The following RGS5 variants were observed in gnomAD, a reference collection of about 807,000 sequenced individuals.
RGS5 encodes the protein regulator of G protein signaling 5, also known as regulator of G-protein signalling 5.
Under a neutral mutation model 18.9 loss-of-function variants are expected in RGS5, and 20 were observed. The ratio of observed to expected loss-of-function variants is 1.06; its 90% confidence interval spans 0.74 to 1.54. The LOEUF (loss-of-function observed/expected upper bound fraction) is 1.54, where lower values mean the gene tolerates loss of function less well. Among genes scored for constraint, RGS5 ranks in the 40% most tolerant of loss-of-function variants. The pLI is 0.00. For synonymous variants in RGS5, 57 were observed against 76.2 expected (o/e 0.75, Z 1.31); for missense variants, 201 against 211.8 (o/e 0.95, Z 0.32).
chr1:163,269,820 T>A (rs1467374097), intron 2 of RGS5, among the ~76,000 whole-genome samples: 1 of 152,152 alleles, frequency 6.6e-6, no homozygotes, highest in Non-Finnish European at 1.5e-5. Flanking sequence ...CATATAAAAT[T>A]GAATTGACTG....
chr1:163,154,590 A>C (rs531827202), intron 3 of RGS5, among the ~76,000 whole-genome samples: 18 of 152,076 alleles, frequency 1.2e-4, no homozygotes, highest in Middle Eastern at 3.4e-3. Context: ...GGAAAAAAAA[A>C]CCAATTTTTT....
rs140832606 is a variant in RGS5 at position 163,230,312 on chromosome 1, G to A, written c.-280-61944C>T. Among the ~76,000 whole-genome samples, 1,057 of 152,108 alleles carry A rather than the reference G, an allele frequency of 6.9e-3. 14 individuals carry two copies. The highest frequency in any genetic ancestry group is 0.024 in the African/African-American group (1,016 of 41,478). ...TTTGTGAACATTGAAAGGAGAGCAGGGAACATAGTAGGTATACAGTCAATA... is the reference window on the plus strand; with the variant it reads ...TTTGTGAACATTGAAAGGAGAGCAGAGAACATAGTAGGTATACAGTCAATA... On this transcript the variant is annotated intron_variant, in intron 2 of 5. Coordinates refer to the RGS5 transcript ENST00000618415.
chr1:163,201,078 TG>T (rs1177276988), intron 1 of RGS5, among the ~76,000 whole-genome samples: 6 of 152,188 alleles, frequency 3.9e-5, no homozygotes, highest in Admixed American at 2.0e-4. Flanking sequence ...AATCACAAAA[TG>T]CTTGGCAAAC....
chr1:163,233,996 A>T (rs1203203837), intron 2 of RGS5, among the ~76,000 whole-genome samples: 1 of 152,222 alleles, frequency 6.6e-6, no homozygotes, highest in Non-Finnish European at 1.5e-5. Flanking sequence ...CGTGCAGGTC[A>T]CAGGGGATAT....
intron 2 of RGS5, among the ~76,000 whole-genome samples, chr1:163,254,377 T>C (rs1648208942): frequency 6.6e-6 from 1 of 152,214 alleles, no homozygotes. Context: ...ATTGTGGTTT[T>C]GATTTGCATT....
rs897206236 is a variant in RGS5, at chr1:163,144,506, C to G, written c.*2836G>C. 9 of 152,524 alleles carry G rather than the reference C, an allele frequency of 5.9e-5. No homozygotes were observed. The highest frequency in any genetic ancestry group is 2.2e-4 in the African/African-American group (9 of 41,424). The allele number at this position is 152,524 out of a possible 1,614,324, so 9.4% of individuals were successfully genotyped here. A position where few individuals can be genotyped will look rare whatever the true frequency, so the allele number is the denominator to read the frequency against. ...TTCCATTGACCACAATTTGGTTCCA[C>G]CACCTTTCTACATCCTCAATTCACT... On this transcript the variant is annotated 3_prime_UTR_variant, in exon 5 of 5. Coordinates refer to ENST00000313961, the MANE Select transcript of RGS5 (RefSeq NM_003617.4).
intron 2 of RGS5, chr1:163,237,681 AAAG>A (rs1274843044): frequency 6.7e-6 from 1 of 149,200 alleles, no homozygotes; most frequent in Non-Finnish European, 1.5e-5. Context: ...ACCCTGTCTC[AAAG>A]AAGAAGGAAA....
chr1:163,164,393 A>T (rs970649749), intron 2 of RGS5, among the ~76,000 whole-genome samples: 3 of 152,190 alleles, frequency 2.0e-5, no homozygotes, highest in Non-Finnish European at 4.4e-5. Context: ...TATAGAGATG[A>T]TTAACCACAT....
At chr1:163,244,816 T>C (rs1265784684) in intron 2 of RGS5, 1 of 152,220 alleles carries the variant, frequency 6.6e-6, no homozygotes. Flanking sequence ...GCCATCATTA[T>C]AGAAACTCAT....
chr1:163,189,470 T>A (rs4266856), intron 1 of RGS5, among the ~76,000 whole-genome samples: 13 of 152,018 alleles, frequency 8.6e-5, no homozygotes, highest in African/African-American at 3.1e-4. Flanking sequence ...ACGATAAAAT[T>A]TTTAGAGGGT....
At chr1:163,249,876 A>G (rs953226247) in intron 2 of RGS5, among the ~76,000 whole-genome samples, 4 of 152,258 alleles carry the variant, frequency 2.6e-5, no homozygotes, top group African/African-American at 9.6e-5. Context: ...TTTTGGTGAT[A>G]GATGAGTTCA....
At chr1:163,266,014 C>G (rs1648564518) in intron 2 of RGS5, among the ~76,000 whole-genome samples, 1 of 152,122 alleles carries the variant, frequency 6.6e-6, no homozygotes, top group South Asian at 2.1e-4. Context: ...GAGTTATCAG[C>G]CCAACTGCCT....
At chr1:163,158,313 G>T (rs1165500402) in intron 3 of RGS5, among the ~76,000 whole-genome samples, 1 of 152,138 alleles carries the variant, frequency 6.6e-6, no homozygotes, top group Non-Finnish European at 1.5e-5. Flanking sequence ...AGTGGCAAGA[G>T]AGACACAGAG....
At chr1:163,219,987 C>T (rs375070854), upstream of RGS5, among the ~76,000 whole-genome samples, 2 of 152,100 alleles carry the variant, frequency 1.3e-5, no homozygotes, top group Non-Finnish European at 2.9e-5. Flanking sequence ...GTAGATACCG[C>T]CAGTTTTTCA....
intron 1 of RGS5, among the ~76,000 whole-genome samples, chr1:163,178,328 A>T (rs1658655652): frequency 6.6e-6 from 1 of 152,212 alleles, no homozygotes; most frequent in East Asian, 1.9e-4. Context: ...ATTTTTAAAA[A>T]ATTAAAAATT....
intron 1 of RGS5, among the ~76,000 whole-genome samples, chr1:163,201,507 C>T (rs746123939): frequency 6.6e-6 from 1 of 151,926 alleles, no homozygotes; most frequent in Non-Finnish European, 1.5e-5. Context: ...ATATTCTATG[C>T]TTTTATTTAA....
intron 2 of RGS5, among the ~76,000 whole-genome samples, chr1:163,164,822 G>GT (rs1397820698): frequency 2.0e-5 from 3 of 152,120 alleles, no homozygotes; most frequent in East Asian, 1.9e-4. Context: ...GTTTGTTTTT[G>GT]TTTTTTGTAT....
At chr1:163,186,578 CA>C (rs34092786) in intron 1 of RGS5, among the ~76,000 whole-genome samples, 1,833 of 95,892 alleles carry the variant, frequency 0.019, 42 homozygotes, top group African/African-American at 0.059. Context: ...GACTCTGTCT[CA>C]AAAAAAAAAA....
intron 2 of RGS5, chr1:163,248,806 G>T (rs1036435201): frequency 2.6e-5 from 4 of 152,186 alleles, no homozygotes; most frequent in Admixed American, 2.0e-4. Context: ...GATTGTGATT[G>T]GAGTTGACCT....
Sources: gnomAD v4.1 joint callset for allele counts (sites outside exome capture counted in the v4.1 genomes callset) on GRCh38, gnomAD v4.1.1 for gene constraint, MANE v1.5 for transcripts, NCBI Gene and HGNC (gene_info 2026-07-23, HGNC 2026-07-21) for gene names.